Variants in RAB37 observed in about 807,000 individuals in gnomAD.
The protein encoded by RAB37 is RAB37, member RAS oncogene family.
A neutral mutation model predicts 33.1 loss-of-function variants in RAB37; 29 were observed. That is an observed-to-expected ratio of 0.88 (90% CI 0.65 to 1.20). The LOEUF (loss-of-function observed/expected upper bound fraction) is 1.20. RAB37 is among the 50% of genes most tolerant of loss of function. The pLI is 0.00. For missense variants in RAB37, 299 were observed against 301.1 expected, an observed-to-expected ratio of 0.99 and a Z score of 0.05; for synonymous variants, 128 against 119.5, an observed-to-expected ratio of 1.07 and a Z score of -0.47.
intron 1 of RAB37, among the ~76,000 whole-genome samples, chr17:74,719,163 G>A (rs367655507): frequency 6.6e-6 from 1 of 152,242 alleles, no homozygotes; most frequent in South Asian, 2.1e-4. Context: ...AAGGTAAAAT[G>A]CAGGCCAAGT....
At chr17:74,706,207 C>A (rs535095861) in intron 1 of RAB37, among the ~76,000 whole-genome samples, 3 of 151,210 alleles carry the variant, frequency 2.0e-5, no homozygotes, top group African/African-American at 7.3e-5. Context: ...CAGCATCATG[C>A]AATATATCCA....
intron 1 of RAB37, among the ~76,000 whole-genome samples, chr17:74,699,272 T>C (rs1249995368): frequency 1.3e-5 from 2 of 152,110 alleles, no homozygotes; most frequent in Non-Finnish European, 2.9e-5. Flanking sequence ...GGTTTTAATG[T>C]GTCTAGAAGC....
chr17:74,729,440 G>A lies in RAB37; in HGVS notation c.183+74G>A. On this transcript the variant is annotated intron_variant, in intron 2 of 7. Transcript: ENST00000340415. This position sits in a 1 kb window ranked among gnomAD's most constrained non-coding sequence, Gnocchi z 4.2. ...AGCGTGTTTCTGTTGAGTGCCAGCA[G>A]GAAACAGGTGGACACTCGCATTGGA... The A allele has an allele frequency of 1.0e-5, 10 of 955,892 alleles. No homozygotes were observed. The South Asian group carries it at 1.3e-4, about 12-fold the overall frequency. The allele number at this position is 955,892 out of a possible 1,614,324, so 59.2% of individuals were successfully genotyped here. A position where few individuals can be genotyped will look rare whatever the true frequency, so the allele number is the denominator to read the frequency against.
At position 74,729,321 on chromosome 17, in the gene RAB37, G is replaced by A. The variant is rs947635470; in HGVS notation, c.138G>A (p.Lys46=). ...TGCTGGTTCAGTTCGATCAGGGCAA[G>A]TTCATCCCCGGCTCCTTCTCGGCCA... Residue 46 remains lysine (K), a synonymous_variant, in exon 2 of 8, where the codon AAG becomes AAA. Transcript: ENST00000340415. This position sits in a 1 kb window ranked among gnomAD's most constrained non-coding sequence, Gnocchi z 4.2. 1.9e-6 allele frequency: 3 copies of A among 1,614,000 alleles called. No individual in the cohort carries two copies. The highest frequency in any genetic ancestry group is 2.7e-5 in the African/African-American group (2 of 74,882).
upstream of RAB37, chr17:74,736,966 CCAGGGGCAAGCAAGCGACCA>C (rs775463102): frequency 1.3e-6 from 2 of 1,555,228 alleles, no homozygotes; most frequent in Admixed American, 3.9e-5. Context: ...GCCCGCTCCC[CCAGGGGCAAGCAAGCGACCA>C]CAGGGGACCG....
At chr17:74,741,535 G>A (rs1436565775) in intron 2 of RAB37, among the ~76,000 whole-genome samples, 1 of 149,204 alleles carries the variant, frequency 6.7e-6, no homozygotes, top group Non-Finnish European at 1.5e-5. Context: ...GCAGTGAGCT[G>A]AGATCGCGCC....
intron 1 of RAB37, chr17:74,702,992 A>G (rs1278026095): frequency 6.8e-7 from 1 of 1,472,816 alleles, no homozygotes; most frequent in South Asian, 1.1e-5. Context: ...CCATTGGAGG[A>G]GTTTGGGCCA....
chr17:74,692,587 C>T (rs929381543), intron 1 of RAB37, among the ~76,000 whole-genome samples: 16 of 152,164 alleles, frequency 1.1e-4, no homozygotes, highest in Non-Finnish European at 2.4e-4. Flanking sequence ...CTCGTCATCT[C>T]TTCCCAAGCC....
intron 1 of RAB37, among the ~76,000 whole-genome samples, chr17:74,689,861 C>G (rs1430734451): frequency 6.6e-6 from 1 of 151,934 alleles, no homozygotes; most frequent in Non-Finnish European, 1.5e-5. Flanking sequence ...TTTTTTTTCT[C>G]CCTCAACTAC....
At chr17:74,737,251 T>G (rs376030467), upstream of RAB37, 154 of 1,550,220 alleles carry the variant, frequency 9.9e-5, 1 homozygote, top group South Asian at 1.6e-3. Flanking sequence ...GGGCCGGCAC[T>G]GCTCACCTCT....
upstream of RAB37, among the ~76,000 whole-genome samples, chr17:74,735,132 AAG>A (rs1215005068): frequency 7.4e-5 from 11 of 147,784 alleles, no homozygotes; most frequent in South Asian, 2.2e-4. Flanking sequence ...AGAAAGAAAG[AAG>A]AGAGAGAGAG....
At chr17:74,685,625 C>A (rs2032038900) in intron 1 of RAB37, among the ~76,000 whole-genome samples, 4 of 152,126 alleles carry the variant, frequency 2.6e-5, no homozygotes, top group Non-Finnish European at 5.9e-5. Flanking sequence ...AAAAGAGAAA[C>A]CCCAATCCAA....
intron 1 of RAB37, among the ~76,000 whole-genome samples, chr17:74,711,005 C>A (rs781269116): frequency 6.6e-6 from 1 of 152,156 alleles, no homozygotes; most frequent in Non-Finnish European, 1.5e-5. Flanking sequence ...TGCCACCACA[C>A]TCCAGCCTAG....
intron 1 of RAB37, among the ~76,000 whole-genome samples, chr17:74,684,116 G>C (rs1441672194): frequency 6.6e-6 from 1 of 152,018 alleles, no homozygotes; most frequent in Non-Finnish European, 1.5e-5. Flanking sequence ...ATTGAGACGA[G>C]TCTCTCTCTG....
chr17:74,707,096 C>T lies in RAB37; in HGVS notation c.73-22160C>T, dbSNP rs78112564. Among the ~76,000 whole-genome samples, 325 of 152,202 alleles carry T rather than the reference C, an allele frequency of 2.1e-3. 12 individuals are homozygous for T. The East Asian group carries it at 0.052, about 24-fold the overall frequency. The stretch of plus-strand genomic sequence containing the variant: ...CTTGGCGATGATGTCTTGGAGAGGA[C>T]GCCAAAAGCACAGGCAACAAAAGCA... On this transcript the variant is annotated intron_variant, in intron 1 of 7. Transcript: ENST00000340415.
rs560111349 is a variant in RAB37, at chr17:74,674,916, T to C, written c.72+3258T>C. ...TGTTTTGACAGCACAGCAGATGTTA[T>C]GTAGGGTAGTCCTAGAAACTTGCCA... is the stretch of plus-strand genomic sequence containing the variant. On this transcript the variant is annotated intron_variant, in intron 1 of 7. Transcript: ENST00000340415. 7.9e-5 allele frequency among the ~76,000 whole-genome samples: 12 copies of C among 152,290 alleles called. No individual in the cohort carries two copies. The South Asian group carries it at 2.5e-3, about 32-fold the overall frequency.
chr17:74,734,956 GAAGAAAGAAAGAAA>G (rs1365405641), upstream of RAB37, among the ~76,000 whole-genome samples: 80 of 80,182 alleles, frequency 1.0e-3, 1 homozygote, highest in South Asian at 5.8e-3. Flanking sequence ...AAGAGAGAAA[GAAGAAAGAAAGAAA>G]AAGAAAGAAA....
chr17:74,736,851 G>C (rs1402889809), upstream of RAB37: 2 of 1,525,618 alleles, frequency 1.3e-6, no homozygotes, highest in African/African-American at 2.8e-5. Context: ...CCAGCTCCCC[G>C]CCTCGCCACC....
chr17:74,702,471 C>T (rs1265903634), intron 1 of RAB37, among the ~76,000 whole-genome samples: 3 of 152,198 alleles, frequency 2.0e-5, no homozygotes, highest in African/African-American at 7.2e-5. Flanking sequence ...AAATAATGCA[C>T]AGGAAAGCCT....
Sources: allele counts gnomAD v4.1 joint callset (sites outside exome capture counted in the v4.1 genomes callset), GRCh38; gene constraint gnomAD v4.1.1; non-coding constraint Gnocchi (gnomAD v3.1); transcripts MANE v1.5; gene names NCBI Gene and HGNC (gene_info 2026-07-23, HGNC 2026-07-21).